The following HMGCLL1 variants were observed in gnomAD, a reference collection of about 807,000 sequenced individuals.
The protein encoded by HMGCLL1 is 3-hydroxymethyl-3-methylglutaryl-CoA lyase, cytoplasmic.
In HMGCLL1, 36 loss-of-function variants were observed where a neutral mutation model predicts 39.1. The ratio of observed to expected loss-of-function variants is 0.92; its 90% CI spans 0.71 to 1.22. The LOEUF is 1.22. Among genes scored for constraint, HMGCLL1 ranks in the 50% most tolerant of loss-of-function variants. The probability of loss-of-function intolerance (pLI) is 0.00; values close to 1 mark genes in which losing one functional copy is unlikely to be tolerated. For missense variants in HMGCLL1, 451 were observed against 416.5 expected, an observed-to-expected ratio of 1.08 and a Z score of -0.72; for synonymous variants, 149 against 144.0, an observed-to-expected ratio of 1.03 and a Z score of -0.25.
the HMGCLL1 span, among the ~76,000 whole-genome samples, chr6:55,637,491 G>A: frequency 1.2e-4 from 18 of 152,162 alleles, no homozygotes; most frequent in African/African-American, 4.1e-4. Flanking sequence ...CGATTATGTG[G>A]CATTTAACAT....
the HMGCLL1 span, among the ~76,000 whole-genome samples, chr6:55,621,837 A>T: frequency 6.6e-6 from 1 of 152,204 alleles, no homozygotes; most frequent in South Asian, 2.1e-4. Flanking sequence ...CTTTCAAGAT[A>T]TACTAGCTGT....
intron 7 of HMGCLL1, among the ~76,000 whole-genome samples, chr6:55,440,195 G>A (rs1763535897): frequency 6.6e-6 from 1 of 152,124 alleles, no homozygotes; most frequent in African/African-American, 2.4e-5. Flanking sequence ...TCCTCACTAA[G>A]TGCTGGATGC....
intron 7 of HMGCLL1, among the ~76,000 whole-genome samples, chr6:55,456,311 C>T (rs960078996): frequency 5.3e-5 from 8 of 152,114 alleles, no homozygotes; most frequent in African/African-American, 1.9e-4. Flanking sequence ...TTAACTTCAA[C>T]GATTCGAAAT....
chr6:55,654,511 T>C, the HMGCLL1 span, among the ~76,000 whole-genome samples: 3 of 151,918 alleles, frequency 2.0e-5, no homozygotes, highest in African/African-American at 7.2e-5. Context: ...TCTGGTTCCT[T>C]GAAGACTTTA....
chr6:55,579,603 A>C (rs1771934741), upstream of HMGCLL1, among the ~76,000 whole-genome samples: 3 of 152,220 alleles, frequency 2.0e-5, no homozygotes, highest in Admixed American at 1.3e-4. Context: ...TGAGGCAATC[A>C]GCAAGGTTAA....
the HMGCLL1 span, among the ~76,000 whole-genome samples, chr6:55,659,244 A>T: frequency 6.6e-6 from 1 of 151,702 alleles, no homozygotes; most frequent in Non-Finnish European, 1.5e-5. Context: ...CAAGCAAAAA[A>T]CCCCAGAAAA....
intron 7 of HMGCLL1, among the ~76,000 whole-genome samples, chr6:55,484,835 T>C (rs1291191331): frequency 6.6e-6 from 1 of 152,184 alleles, no homozygotes; most frequent in Non-Finnish European, 1.5e-5. Flanking sequence ...TTGCCCCTCC[T>C]TATAGTCTAG....
chr6:55,476,087 T>A (rs1055343208), intron 7 of HMGCLL1, among the ~76,000 whole-genome samples: 3 of 151,686 alleles, frequency 2.0e-5, no homozygotes, highest in Admixed American at 1.3e-4. Flanking sequence ...CTCACATCAA[T>A]TTTAGAATCC....
intron 7 of HMGCLL1, among the ~76,000 whole-genome samples, chr6:55,494,932 T>A (rs1055477219): frequency 6.6e-6 from 1 of 152,178 alleles, no homozygotes; most frequent in African/African-American, 2.4e-5. Context: ...ATAAGTTCTG[T>A]CAAAAGTAAG....
intron 7 of HMGCLL1, among the ~76,000 whole-genome samples, chr6:55,484,080 G>T (rs1038957428): frequency 6.6e-6 from 1 of 152,110 alleles, no homozygotes; most frequent in African/African-American, 2.4e-5. Flanking sequence ...TTTATTGTAA[G>T]AAATGAAGCC....
chr6:55,559,935 C>T (rs1770858698), intron 1 of HMGCLL1, among the ~76,000 whole-genome samples: 1 of 152,044 alleles, frequency 6.6e-6, no homozygotes, highest in Non-Finnish European at 1.5e-5. Flanking sequence ...TTAAAATAAA[C>T]ATGAACCTTT....
chr6:55,620,626 TACAC>T, the HMGCLL1 span, among the ~76,000 whole-genome samples: 11 of 149,390 alleles, frequency 7.4e-5, no homozygotes, highest in South Asian at 2.1e-4. Context: ...TTTGGGGTGT[TACAC>T]ACACACACAC....
At chr6:55,577,609 AC>A (rs2127480318) in intron 1 of HMGCLL1, among the ~76,000 whole-genome samples, 1 of 152,316 alleles carries the variant, frequency 6.6e-6, no homozygotes, top group African/African-American at 2.4e-5. Flanking sequence ...TGTCCATAAA[AC>A]CCACAAAATG....
chr6:55,549,439 G>T (rs141293561), intron 1 of HMGCLL1, among the ~76,000 whole-genome samples: 3,004 of 149,716 alleles, frequency 0.02, 55 homozygotes, highest in South Asian at 0.095. Flanking sequence ...TAATTTTCTG[G>T]GATAAAATTG....
chr6:55,533,450 C>G (rs1768806536), intron 3 of HMGCLL1, among the ~76,000 whole-genome samples: 1 of 152,148 alleles, frequency 6.6e-6, no homozygotes, highest in East Asian at 1.9e-4. Flanking sequence ...CTAATTGCTA[C>G]TTTTCATTTC....
At chr6:55,461,443 A>T (rs1260004525) in intron 7 of HMGCLL1, among the ~76,000 whole-genome samples, 1 of 152,020 alleles carries the variant, frequency 6.6e-6, no homozygotes, top group Non-Finnish European at 1.5e-5. Context: ...TAGAGTTTCA[A>T]TGCCTGGATG....
At chr6:55,550,632 T>G (rs184398356) in intron 1 of HMGCLL1, among the ~76,000 whole-genome samples, 2 of 151,874 alleles carry the variant, frequency 1.3e-5, no homozygotes, top group African/African-American at 4.9e-5. Flanking sequence ...AAATGGGATT[T>G]GGGAGCTAGA....
chr6:55,476,476 A>G (rs893398006), intron 7 of HMGCLL1, among the ~76,000 whole-genome samples: 1 of 151,604 alleles, frequency 6.6e-6, no homozygotes, highest in Non-Finnish European at 1.5e-5. Flanking sequence ...CTTATGTTGG[A>G]AGTTTGAATA....
At position 55,461,739 on chromosome 6, in the gene HMGCLL1, G is replaced by C. The variant is rs557417887; in HGVS notation, c.796-22180C>G. On this transcript the variant is annotated intron_variant, in intron 7 of 8. Transcript: ENST00000274901. ...AGTAATAGTTCATATTTTAAATGTA[G>C]GTACACTTGATTTGACTATTTAGAC... 4.6e-5 allele frequency among the ~76,000 whole-genome samples: 7 copies of C among 152,072 alleles called. No homozygotes were observed. The South Asian group carries it at 8.3e-4, about 18-fold the overall frequency.
Sources: allele counts gnomAD v4.1 joint callset (sites outside exome capture counted in the v4.1 genomes callset), GRCh38; gene constraint gnomAD v4.1.1; transcripts MANE v1.5; gene names NCBI Gene and HGNC (gene_info 2026-07-23, HGNC 2026-07-21).